Variants in MGAM2 observed in about 807,000 individuals in gnomAD.
MGAM2 encodes the protein probable maltase-glucoamylase 2.
MGAM2 carries 98 observed loss-of-function variants against 96.1 expected under a neutral mutation model. The observed-to-expected ratio is 1.02, with a 90% CI of 0.87 to 1.21. MGAM2 has a LOEUF of 1.21. MGAM2 is among the 50% of genes most tolerant of loss of function. MGAM2 has a pLI of 0.00. For synonymous variants in MGAM2, 749 were observed against 414.8 expected, an observed-to-expected ratio of 1.81 and a Z score of -9.79; for missense variants, 2,055 against 1,182.4, an observed-to-expected ratio of 1.74 and a Z score of -10.82.
At chr7:142,215,192 A>G (rs889958250) in intron 46 of MGAM2, among the ~76,000 whole-genome samples, 2 of 152,174 alleles carry the variant, frequency 1.3e-5, no homozygotes, top group African/African-American at 4.8e-5. Context: ...TCAGCAAACT[A>G]ACACAGGAAC....
chr7:142,208,059 A>T (rs550438606), intron 45 of MGAM2, among the ~76,000 whole-genome samples: 2 of 152,300 alleles, frequency 1.3e-5, no homozygotes, highest in South Asian at 4.2e-4. Context: ...CCTTATTGCC[A>T]CTAACTAGGT....
intron 45 of MGAM2, among the ~76,000 whole-genome samples, chr7:142,200,878 T>G (rs1288314989): frequency 6.6e-6 from 1 of 152,032 alleles, no homozygotes; most frequent in Admixed American, 6.6e-5. Flanking sequence ...TGCTTAATTT[T>G]TAATATGGCT....
intron 7 of MGAM2, among the ~76,000 whole-genome samples, chr7:142,135,420 T>C (rs919033023): frequency 4.6e-5 from 7 of 152,234 alleles, no homozygotes; most frequent in African/African-American, 1.7e-4. Flanking sequence ...CCTTTCTTTT[T>C]TCTTGCCTTT....
In MGAM2 at chr7:142,154,046, A is replaced by G. The variant is rs965622981; in HGVS notation, c.1663A>G (p.Arg555Gly). The change falls in exon 16 of 48, where the codon AGG becomes GGG. Residue 555 changes from arginine (R) to glycine (G), a missense_variant. Arg to Gly is a moderately radical substitution (Grantham distance 125). Transcript: ENST00000477922. Reference sequence around the variant, plus strand: ...CCTGGAGACCATCTTCATGAATAATAGGAGCTTCATCTTATCCCGTTCTAC... The same window carrying G: ...CCTGGAGACCATCTTCATGAATAATGGGAGCTTCATCTTATCCCGTTCTAC... ...LALETIFMNN[R>G]SFILSRSTFA... 15 of 685,496 alleles carry G rather than the reference A, an allele frequency of 2.2e-5. No individual in the cohort carries two copies. The highest frequency in any genetic ancestry group is 8.1e-5 in the Admixed American group (4 of 49,648). 42.5% of individuals were successfully genotyped at this position (685,496 alleles called of 1,614,324 possible). A position where few individuals can be genotyped will look rare whatever the true frequency, so the allele number is the denominator to read the frequency against.
intron 3 of MGAM2, among the ~76,000 whole-genome samples, chr7:142,122,067 A>G (rs1399379303): frequency 6.6e-6 from 1 of 152,160 alleles, no homozygotes; most frequent in African/African-American, 2.4e-5. Context: ...AAAGAAATGG[A>G]AAATGGATTT....
At position 142,190,430 on chromosome 7, in the gene MGAM2, C is replaced by A. The variant is rs566361017; in HGVS notation, c.4346+925C>A. On this transcript the variant is annotated intron_variant, in intron 37 of 47. Transcript: ENST00000477922. ...GGGATTACAGGCATAAGTCACCATG[C>A]CTGGCTAATTTTTTTGTATTTTTTA... 3.3e-5 allele frequency among the ~76,000 whole-genome samples: 5 copies of A among 152,014 alleles called. No individual in the cohort carries two copies. The South Asian group carries it at 1.0e-3, about 32-fold the overall frequency.
Position 142,171,270 on chromosome 7 carries a change from A to G in MGAM2, c.3183-2A>G, listed in dbSNP as rs1035182536. The G allele has an allele frequency of 1.4e-6, 1 of 702,410 alleles. No individual in the cohort carries two copies. The highest frequency in any genetic ancestry group is 1.5e-5 in the South Asian group (1 of 67,594). 43.5% of individuals were successfully genotyped at this position (702,410 alleles called of 1,614,324 possible). ...TCAGCGTGATCTGCTTTTGTGTTGC[A>G]GTTGGGATTCTCAACTCCCTGGCTT... On this transcript the variant is annotated splice_acceptor_variant, in intron 27 of 47. Transcript: ENST00000477922. LOFTEE classifies it high-confidence loss of function.
At chr7:142,141,284 A>G (rs1223961937) in intron 12 of MGAM2, among the ~76,000 whole-genome samples, 165 bp downstream of exon 12, 3 of 152,126 alleles carry the variant, frequency 2.0e-5, no homozygotes, top group African/African-American at 7.2e-5. Flanking sequence ...TAGAATGATT[A>G]AAAACCTGAA....
At chr7:142,178,391 T>A (rs1246160508) in intron 32 of MGAM2, among the ~76,000 whole-genome samples, 1 of 152,214 alleles carries the variant, frequency 6.6e-6, no homozygotes, top group Non-Finnish European at 1.5e-5. Context: ...TTTGGTTTCA[T>A]TGCAATTGCT....
chr7:142,131,432 A>G, intron 4 of MGAM2, 86 bp from the exon 5 acceptor site: 1 of 661,264 alleles, frequency 1.5e-6, no homozygotes, highest in Non-Finnish European at 2.7e-6. Context: ...GCAAGACTCC[A>G]TCTCAAAACA....
At chr7:142,162,150 A>G in intron 23 of MGAM2, 146 bp downstream of exon 23, 1 of 492,670 alleles carries the variant, frequency 2.0e-6, no homozygotes, top group Non-Finnish European at 3.5e-6. Context: ...AATGAACATG[A>G]AAGTGTTTAA....
At chr7:142,219,075 A>G (rs573157539) in intron 47 of MGAM2, among the ~76,000 whole-genome samples, 1 of 152,346 alleles carries the variant, frequency 6.6e-6, no homozygotes, top group Admixed American at 6.5e-5. Context: ...AGGCCCTACT[A>G]GAGGATTCTA....
rs928574534 is a variant in MGAM2 at position 142,147,538 on chromosome 7, C to T, written c.1599C>T (p.Ser533=). Residue 533 remains serine (S), a synonymous_variant, in exon 15 of 48, where the codon AGC becomes AGT. Transcript: ENST00000477922. ...GGGGCCTTCATTATGACATCCACAG[C>T]TTGTATGGCCACTCCATGGCAAGAA... is the stretch of plus-strand genomic sequence containing the variant. ...FHGGLHYDIH[S]LYGHSMARTT... 5.7e-6 allele frequency: 4 copies of T among 702,842 alleles called. No individual in the cohort carries two copies. The highest frequency in any genetic ancestry group is 1.0e-5 in the Non-Finnish European group (4 of 384,918). 43.5% of individuals were successfully genotyped at this position (702,842 alleles called of 1,614,324 possible).
At chr7:142,165,238 G>T (rs903434301) in intron 24 of MGAM2, among the ~76,000 whole-genome samples, 1 of 152,130 alleles carries the variant, frequency 6.6e-6, no homozygotes, top group Non-Finnish European at 1.5e-5. Flanking sequence ...AGCGGGAGTC[G>T]GAACCCCGAG....
intron 15 of MGAM2, among the ~76,000 whole-genome samples, chr7:142,152,731 G>A (rs559589773): frequency 7.2e-5 from 11 of 152,302 alleles, no homozygotes; most frequent in East Asian, 3.9e-4. Flanking sequence ...AAACTGTGGC[G>A]TGGCTCAGGT....
rs1449279265 is a variant in MGAM2, at chr7:142,157,807, A to G, written c.1924-130A>G. On this transcript the variant is annotated intron_variant, in intron 17 of 47. Transcript: ENST00000477922. ...GAAGGAGTAGGATTAGTATCTTTTC[A>G]GTTCTAGAAATGCTTTGATATTCTC... 8 of 615,388 alleles carry G rather than the reference A, an allele frequency of 1.3e-5. No individual in the cohort carries two copies. In the Admixed American group the frequency reaches 1.4e-4, roughly 11 times the overall value. 38.1% of individuals were successfully genotyped at this position (615,388 alleles called of 1,614,324 possible). A position where few individuals can be genotyped will look rare whatever the true frequency, so the allele number is the denominator to read the frequency against.
chr7:142,148,801 G>T lies in MGAM2; in HGVS notation c.1634+1228G>T. On this transcript the variant is annotated intron_variant, in intron 15 of 47. Transcript: ENST00000477922. The surrounding 1 kb of genome is among the most constrained non-coding windows in gnomAD (Gnocchi z 4.2). ...TTTGGTGTTTCTAGAGCACTGTTGT[G>T]CTCTACAAGACAGGGAGACTTTGAT... Among the ~76,000 whole-genome samples, 1 of 152,116 alleles carries T rather than the reference G, an allele frequency of 6.6e-6. No individual in the cohort carries two copies. Among genetic ancestry groups the T allele is most frequent in the Non-Finnish European group, 1.5e-5 (1 of 68,026 alleles).
chr7:142,151,766 T>A (rs1177990805), intron 15 of MGAM2, among the ~76,000 whole-genome samples: 1 of 151,958 alleles, frequency 6.6e-6, no homozygotes, highest in Non-Finnish European at 1.5e-5. Context: ...AAAAGGTAAT[T>A]GTGATTGAGC....
chr7:142,215,556 T>A lies in MGAM2; in HGVS notation c.5188-2805T>A, dbSNP rs375646444. On this transcript the variant is annotated intron_variant, in intron 46 of 47. Coordinates refer to ENST00000477922, the MANE Select transcript of MGAM2 (RefSeq NM_001293626.2). Reference sequence around the variant, plus strand: ...CAGGTGGATCACCTGAGGTCGGGAGTTTGAGACCAGCCTGACCAACATGGA... The same window carrying A: ...CAGGTGGATCACCTGAGGTCGGGAGATTGAGACCAGCCTGACCAACATGGA... Among the ~76,000 whole-genome samples the A allele has an allele frequency of 4.8e-4, 72 of 150,210 alleles. 1 individual carries two copies. The East Asian group carries it at 8.8e-3, about 18-fold the overall frequency.
Sources: allele counts gnomAD v4.1 joint callset (sites outside exome capture counted in the v4.1 genomes callset), GRCh38; gene constraint gnomAD v4.1.1; non-coding constraint Gnocchi (gnomAD v3.1); transcripts MANE v1.5; gene names NCBI Gene and HGNC (gene_info 2026-07-23, HGNC 2026-07-21).